ATP7A: variants seen among roughly 807,000 people sequenced by gnomAD.
ATP7A encodes copper-transporting ATPase 1.
Under a neutral mutation model 83.5 loss-of-function variants are expected in ATP7A, and 7 were observed. The ratio of observed to expected loss-of-function variants is 0.08; its 90% CI spans 0.05 to 0.16. ATP7A has a LOEUF of 0.16. ATP7A is among the 10% of genes least tolerant of loss of function. The pLI, the probability that ATP7A is intolerant of heterozygous loss-of-function variation, is 1.00. For synonymous variants in ATP7A, 354 were observed against 395.2 expected (o/e 0.90, Z 1.24); for missense variants, 940 against 1,120.8 (o/e 0.84, Z 2.30).
intron 1 of ATP7A, among the ~76,000 whole-genome samples, chrX:77,911,655 C>T (rs374308982): frequency 9.2e-6 from 1 of 109,289 alleles, no homozygotes; most frequent in African/African-American, 3.3e-5. Flanking sequence ...AGTTTACTTA[C>T]AGTAGGCTGG....
At chrX:78,021,218 G>T in intron 14 of ATP7A, 139 bp downstream of exon 14, 6 of 688,270 alleles carry the variant, frequency 8.7e-6, no homozygotes, top group Non-Finnish European at 1.0e-5. Context: ...AATAATATTT[G>T]CATTTTTATA....
chrX:77,914,206 G>A (rs1221954441), intron 1 of ATP7A, among the ~76,000 whole-genome samples: 1 of 111,200 alleles, frequency 9.0e-6, no homozygotes, highest in Non-Finnish European at 1.9e-5. Context: ...ACAGGCGCAT[G>A]CCACCATGCC....
At chrX:77,932,266 G>GAT (rs1557224544) in intron 1 of ATP7A, among the ~76,000 whole-genome samples, 2 of 109,627 alleles carry the variant, frequency 1.8e-5, no homozygotes, top group South Asian at 3.9e-4. Flanking sequence ...CATCCCAGAC[G>GAT]GGGCGGCGGG....
chrX:77,990,729 C>A (rs1170056698), intron 4 of ATP7A, among the ~76,000 whole-genome samples: 2 of 111,834 alleles, frequency 1.8e-5, no homozygotes, highest in Non-Finnish European at 3.8e-5. Flanking sequence ...TTCTTTTGAA[C>A]CAGAATTGAA....
chrX:77,915,841 C>T (rs183049411), intron 1 of ATP7A, among the ~76,000 whole-genome samples: 110 of 111,823 alleles, frequency 9.8e-4, no homozygotes, highest in African/African-American at 3.5e-3. Flanking sequence ...ATGCCTCAGC[C>T]CCCCGAGTAG....
intron 7 of ATP7A, chrX:78,009,474 A>G (rs1393560039): frequency 7.0e-6 from 3 of 431,598 alleles, no homozygotes; most frequent in South Asian, 7.0e-5. Flanking sequence ...GTACATTTAC[A>G]CTATTAATCA....
intron 1 of ATP7A, among the ~76,000 whole-genome samples, chrX:77,955,651 A>G (rs970999146): frequency 9.0e-6 from 1 of 111,234 alleles, no homozygotes; most frequent in Non-Finnish European, 1.9e-5. Context: ...TGTGATGAGA[A>G]CATTCAAAAG....
chrX:78,030,135 C>T (rs924284476), intron 15 of ATP7A, among the ~76,000 whole-genome samples: 3 of 112,204 alleles, frequency 2.7e-5, no homozygotes, highest in South Asian at 3.7e-4. Context: ...ACTTAAAAGT[C>T]GCAAGACTAG....
Position 78,046,651 on chromosome X carries a change from T to C in ATP7A, c.*81T>C. On this transcript the variant is annotated 3_prime_UTR_variant, in exon 23 of 23. Transcript: ENST00000341514. Reference sequence around the variant, plus strand: ...GATGTTACCTTCACTTTTCAAAATATTGTAGAAGGATTTTTCTCATGCTCT... The same window carrying C: ...GATGTTACCTTCACTTTTCAAAATACTGTAGAAGGATTTTTCTCATGCTCT... 8.8e-7 allele frequency: 1 copy of C among 1,132,317 alleles called. No individual in the cohort carries two copies. The highest frequency in any genetic ancestry group is 1.8e-5 in the South Asian group (1 of 54,671). 93.3% of individuals were successfully genotyped at this position (1,132,317 alleles called of 1,213,427 possible).
intron 2 of ATP7A, among the ~76,000 whole-genome samples, chrX:77,984,235 G>A (rs2149080460): frequency 9.0e-6 from 1 of 111,101 alleles, no homozygotes; most frequent in South Asian, 3.8e-4. Context: ...GCTCTATGGA[G>A]TCTGCCTGGT....
chrX:78,028,530 G>T (rs782032595), intron 14 of ATP7A, among the ~76,000 whole-genome samples: 1 of 111,437 alleles, frequency 9.0e-6, no homozygotes, highest in Non-Finnish European at 1.9e-5. Flanking sequence ...GTAGAGATGA[G>T]GTCTTACCAT....
In ATP7A at chrX:78,034,909, A is replaced by C. The variant is rs550662435; in HGVS notation, c.3511+1088A>C. 1.1e-4 allele frequency among the ~76,000 whole-genome samples: 12 copies of C among 109,689 alleles called. No homozygotes were observed. In the South Asian group the frequency reaches 4.8e-3, roughly 43 times the overall value. ...AGGTGTGCGCAGCCATGCCTGGCTA[A>C]TTTTTTGTATTTTTAGTAGAGATGG... On this transcript the variant is annotated intron_variant, in intron 17 of 22. Coordinates refer to ENST00000341514, the MANE Select transcript of ATP7A (RefSeq NM_000052.7).
Position 78,005,868 on chromosome X carries a change from A to G in ATP7A, c.1707+2632A>G, listed in dbSNP as rs1263030476. Among the ~76,000 whole-genome samples the G allele has an allele frequency of 2.7e-5, 3 of 110,603 alleles. No individual in the cohort carries two copies. In the East Asian group the frequency reaches 8.4e-4, roughly 31 times the overall value. ...AATGGAAAGTCAAAAGGCAATTAAAATAATTATAATTCATATCATAGATGA... is the reference window on the plus strand; with the variant it reads ...AATGGAAAGTCAAAAGGCAATTAAAGTAATTATAATTCATATCATAGATGA... On this transcript the variant is annotated intron_variant, in intron 6 of 22. Coordinates refer to ENST00000341514, the MANE Select transcript of ATP7A (RefSeq NM_000052.7).
chrX:77,988,718 T>C lies in ATP7A; in HGVS notation c.597T>C (p.Val199=). The C allele has an allele frequency of 8.3e-7, 1 of 1,211,131 alleles. No individual in the cohort carries two copies. Among genetic ancestry groups the C allele is most frequent in the Non-Finnish European group, 1.1e-6 (1 of 895,163 alleles). ...GAAAAATTGGGAAACTGCAAGGTGT[T>C]CAGCGAATTAAAGGTAATGTGTCTG... ...IEGKIGKLQG[V]QRIKVSLDNQ... The change falls in exon 3 of 23, where the codon GTT becomes GTC. Residue 199 remains valine, a synonymous_variant. Transcript: ENST00000341514.
intron 1 of ATP7A, among the ~76,000 whole-genome samples, chrX:77,965,847 A>T (rs1452151637): frequency 8.9e-6 from 1 of 112,317 alleles, no homozygotes; most frequent in Non-Finnish European, 1.9e-5. Context: ...TGTAACATGG[A>T]TGAACACTGA....
At chrX:78,015,426 C>T (rs1557235024) in intron 11 of ATP7A, among the ~76,000 whole-genome samples, 1 of 112,220 alleles carries the variant, frequency 8.9e-6, no homozygotes, top group Non-Finnish European at 1.9e-5. Context: ...TTGTATTTCT[C>T]ATTTTTATAC....
intron 2 of ATP7A, among the ~76,000 whole-genome samples, chrX:77,977,098 A>G (rs1358459960): frequency 1.8e-5 from 2 of 112,327 alleles, no homozygotes; most frequent in African/African-American, 6.5e-5. Flanking sequence ...CCCTAATCAT[A>G]TCTATGCAAA....
chrX:77,969,554 C>G (rs1279903148), intron 1 of ATP7A: 1 of 1,210,141 alleles, frequency 8.3e-7, no homozygotes, highest in Non-Finnish European at 1.1e-6. Flanking sequence ...GGGCTCAGAT[C>G]GGCGTCGTAC....
At chrX:78,033,401 C>T (rs2077994459) in intron 16 of ATP7A, among the ~76,000 whole-genome samples, 1 of 113,101 alleles carries the variant, frequency 8.8e-6, no homozygotes, top group South Asian at 3.6e-4. Context: ...CTGGTCAAAA[C>T]AAAGACTTTG....
Sources: gnomAD v4.1 joint callset for allele counts (sites outside exome capture counted in the v4.1 genomes callset) on GRCh38, gnomAD v4.1.1 for gene constraint, MANE v1.5 for transcripts, NCBI Gene and HGNC (gene_info 2026-07-23, HGNC 2026-07-21) for gene names.